The following SLC27A3 variants were observed in gnomAD, a reference collection of about 807,000 sequenced individuals.
The protein encoded by SLC27A3 is long-chain fatty acid transport protein 3.
Under a neutral mutation model 60.1 loss-of-function variants are expected in SLC27A3, and 60 were observed. That is an observed-to-expected ratio of 1.00 (90% CI 0.81 to 1.24). SLC27A3 has a LOEUF of 1.24. Ranked by LOEUF, SLC27A3 falls within the 50% of genes most tolerant of loss-of-function variation. The pLI is 0.00. For missense variants in SLC27A3, 1,079 were observed against 929.9 expected, an observed-to-expected ratio of 1.16 and a Z score of -2.09; for synonymous variants, 455 against 409.0, an observed-to-expected ratio of 1.11 and a Z score of -1.36.
At position 153,779,488 on chromosome 1, in the gene SLC27A3, C is replaced by G; in HGVS notation, c.1875+15C>G. The G allele has an allele frequency of 6.2e-7, 1 of 1,607,644 alleles. No individual in the cohort carries two copies. The highest frequency in any genetic ancestry group is 8.5e-7 in the Non-Finnish European group (1 of 1,178,080). Reference sequence around the variant, plus strand: ...TCAGGCTCCAGGTAACCGGCCACTTCCCCCGCCGGCCCCTCACCCCATATA... The same window carrying G: ...TCAGGCTCCAGGTAACCGGCCACTTGCCCCGCCGGCCCCTCACCCCATATA... On this transcript the variant is annotated intron_variant, in intron 9 of 9. Coordinates refer to ENST00000624995, the MANE Select transcript of SLC27A3 (RefSeq NM_024330.4).
chr1:153,777,267 T>C (rs762088266), intron 3 of SLC27A3, 47 bp downstream of exon 3: 6 of 1,605,322 alleles, frequency 3.7e-6, no homozygotes, highest in South Asian at 2.2e-5. Flanking sequence ...AGTAGACATT[T>C]ATTAAGCACG....
At chr1:153,779,525 C>T (rs760533127) in intron 9 of SLC27A3, 52 bp downstream of exon 9, 27 of 1,580,186 alleles carry the variant, frequency 1.7e-5, no homozygotes, top group Non-Finnish European at 2.1e-5. Flanking sequence ...CCTCACCCCA[C>T]ATATCCACCC....
rs762946133 is a variant in SLC27A3 at position 153,775,639 on chromosome 1, G to A, written c.142G>A (p.Ala48Thr). The A allele has an allele frequency of 4.5e-6, 7 of 1,541,794 alleles. No homozygotes were observed. Among genetic ancestry groups the A allele is most frequent in the Non-Finnish European group, 6.1e-6 (7 of 1,145,208 alleles). Residue 48 changes from alanine to threonine, a missense_variant, in exon 1 of 10, where the codon GCT becomes ACT. Coordinates refer to ENST00000624995, the MANE Select transcript of SLC27A3 (RefSeq NM_024330.4). ...TCTGTGCTGCAAAAGGGCTCTTCGA[G>A]CTCGCGCCCTGGCCGCGGCTGCCGC... Reference protein sequence around the residue: ...RALCCKRALRARALAAAAADP... With the variant: ...RALCCKRALRTRALAAAAADP...
intron 3 of SLC27A3, 174 bp from the exon 4 acceptor site, chr1:153,777,587 G>A (rs1215472785): frequency 1.2e-5 from 10 of 817,198 alleles, no homozygotes; most frequent in Non-Finnish European, 2.0e-5. Context: ...GCTGGGGACA[G>A]GGGCCGGGGG....
At position 153,780,098 on chromosome 1, in the gene SLC27A3, C is replaced by T; in HGVS notation, c.*96C>T. The stretch of plus-strand genomic sequence containing the variant: ...GTCAGGGATCTTTTCTATACCAGAA[C>T]TGCGGTCACTATTTTGTAATAAATG... On this transcript the variant is annotated 3_prime_UTR_variant, in exon 10 of 10. Coordinates refer to ENST00000624995, the MANE Select transcript of SLC27A3 (RefSeq NM_024330.4). 4.6e-6 allele frequency: 5 copies of T among 1,077,302 alleles called. No homozygotes were observed. Among genetic ancestry groups the T allele is most frequent in the East Asian group, 5.2e-5 (2 of 38,376 alleles). 66.7% of individuals were successfully genotyped at this position (1,077,302 alleles called of 1,614,324 possible).
At position 153,775,484 on chromosome 1, in the gene SLC27A3, AG is replaced by A. The variant is rs764425950; in HGVS notation, c.-12del. 6.2e-7 allele frequency: 1 copy of A among 1,613,306 alleles called. No individual in the cohort carries two copies. Among genetic ancestry groups the A allele is most frequent in the Non-Finnish European group, 8.5e-7 (1 of 1,180,024 alleles). On this transcript the variant is annotated 5_prime_UTR_variant, in exon 1 of 10. Transcript: ENST00000624995. ...GGCTGGAACCAGACGGTGCCGATAG[AG>A]GAAGCGGGCTCCATGGCTGCCCTCC... is the stretch of plus-strand genomic sequence containing the variant.
rs77673307 is a variant in SLC27A3 at position 153,777,863 on chromosome 1, G to A, written c.1139G>A (p.Arg380Gln). 693 of 1,614,222 alleles carry A rather than the reference G, an allele frequency of 4.3e-4. 7 individuals carry two copies. The East Asian group carries it at 0.015, about 34-fold the overall frequency. The change falls in exon 4 of 10, where the codon CGA (arginine) becomes CAA (glutamine). Residue 380 changes from arginine to glutamine, a missense_variant. Physicochemically the swap from Arg to Gln is conservative, Grantham distance 43. Coordinates refer to ENST00000624995, the MANE Select transcript of SLC27A3 (RefSeq NM_024330.4). The stretch of plus-strand genomic sequence containing the variant: ...TTCCAGTACATTGGGGAGCTGTGCC[G>A]ATACCTTGTCAACCAGCCCCCGGTG... Reference protein sequence around the residue: ...TVFQYIGELCRYLVNQPPSKA... With the variant: ...TVFQYIGELCQYLVNQPPSKA...
chr1:153,776,942 G>A, intron 2 of SLC27A3, 120 bp from the exon 3 acceptor site: 1 of 1,179,474 alleles, frequency 8.5e-7, no homozygotes. Context: ...CCTGGTCTCG[G>A]TCCTCAGCTT....
At position 153,778,213 on chromosome 1, in the gene SLC27A3, G is replaced by C. The variant is rs142650546; in HGVS notation, c.1214G>C (p.Arg405Pro). ...KVRLAVGSGL[R>P]PDTWERFVRR... Reference sequence around the variant, plus strand: ...CGGCTGGCAGTGGGCAGCGGGCTGCGCCCAGATACCTGGGAGCGTTTTGTG... The same window carrying C: ...CGGCTGGCAGTGGGCAGCGGGCTGCCCCCAGATACCTGGGAGCGTTTTGTG... The change falls in exon 5 of 10, where the codon CGC (arginine) becomes CCC (proline). Residue 405 changes from arginine (R) to proline (P), a missense_variant. By Grantham distance (103) the Arg-to-Pro change is moderately radical. Coordinates refer to ENST00000624995, the MANE Select transcript of SLC27A3 (RefSeq NM_024330.4). The C allele has an allele frequency of 1.5e-5, 25 of 1,613,310 alleles. No homozygotes were observed. In the African/African-American group the frequency reaches 3.3e-4, roughly 21 times the overall value.
In SLC27A3 at chr1:153,779,440, A is replaced by C. The variant is rs1558023899; in HGVS notation, c.1842A>C (p.Pro614=). ...ACACCCACGTGTCTGAGAACTTGCC[A>C]CCTTATGCCCGGCCCCGATTCCTCA... is the stretch of plus-strand genomic sequence containing the variant. The part of the protein sequence containing the change: ...QLYTHVSENL[P]PYARPRFLRL... Residue 614 remains proline, a synonymous_variant, in exon 9 of 10, where the codon CCA becomes CCC. Transcript: ENST00000624995. 6.2e-7 allele frequency: 1 copy of C among 1,613,462 alleles called. No homozygotes were observed. The highest frequency in any genetic ancestry group is 1.1e-5 in the South Asian group (1 of 91,050).
At chr1:153,776,228 CACAGA>C in intron 1 of SLC27A3, 64 bp downstream of exon 1, 1 of 1,405,580 alleles carries the variant, frequency 7.1e-7, no homozygotes, top group Non-Finnish European at 9.2e-7. Flanking sequence ...TGTCGGAGAC[CACAGA>C]AAGGCTTGGT....
chr1:153,778,962 A>G, intron 7 of SLC27A3, 77 bp downstream of exon 7: 1 of 1,506,000 alleles, frequency 6.6e-7, no homozygotes. Flanking sequence ...CAACTCTCTA[A>G]TCTGCCACCT....
rs745739373 is a variant in SLC27A3 at position 153,776,713 on chromosome 1, C to T, written c.863C>T (p.Thr288Ile). ...ACAGACACGTGCCTGTACATCTTCA[C>T]CTCTGGCACCACGGGTGAGGGCCGG... ...SITDTCLYIF[T>I]SGTTGLPKAA... is the part of the protein sequence containing the mutation. The change falls in exon 2 of 10, where the codon ACC (threonine) becomes ATC (isoleucine). Residue 288 changes from threonine (T) to isoleucine (I), a missense_variant. Transcript: ENST00000624995. 1.4e-5 allele frequency: 23 copies of T among 1,613,990 alleles called. No individual in the cohort carries two copies. The highest frequency in any genetic ancestry group is 6.7e-5 in the Admixed American group (4 of 60,004).
At position 153,777,121 on chromosome 1, in the gene SLC27A3, C is replaced by G. The variant is rs1673272106; in HGVS notation, c.937C>G (p.Gln313Glu). ...LKILQCQGFYQLCGVHQEDVI... is the reference protein window; with the variant it reads ...LKILQCQGFYELCGVHQEDVI... ...GATCCTGCAATGCCAGGGCTTCTAT[C>G]AGCTGTGTGGTGTCCACCAGGAAGA... The change falls in exon 3 of 10, where the codon CAG becomes GAG. Residue 313 changes from glutamine to glutamate, a missense_variant. Transcript: ENST00000624995. 6.2e-7 allele frequency: 1 copy of G among 1,614,242 alleles called. No homozygotes were observed. Among genetic ancestry groups the G allele is most frequent in the Non-Finnish European group, 8.5e-7 (1 of 1,180,042 alleles).
At chr1:153,778,137 C>T (rs766139360) in intron 4 of SLC27A3, 24 bp from the exon 5 acceptor site, 12 of 1,586,036 alleles carry the variant, frequency 7.6e-6, no homozygotes, top group East Asian at 4.5e-5. Flanking sequence ...GCTGAAGCTC[C>T]GGCCCCTCTC....
rs1290510824 is a variant in SLC27A3, at chr1:153,779,911, C to A, written c.1961C>A (p.Pro654Gln). 5 of 1,614,160 alleles carry A rather than the reference C, an allele frequency of 3.1e-6. No homozygotes were observed. Among genetic ancestry groups the A allele is most frequent in the Non-Finnish European group, 3.4e-6 (4 of 1,180,034 alleles). ...EGFDPSTLSD[P>Q]LYVLDQAVGA... is the part of the protein sequence containing the mutation. ...TTCGACCCCAGCACCCTGTCTGACC[C>A]ACTGTACGTTCTGGACCAGGCTGTA... The change falls in exon 10 of 10, where the codon CCA becomes CAA. Residue 654 changes from proline to glutamine, a missense_variant. Transcript: ENST00000624995.
intron 9 of SLC27A3, 26 bp downstream of exon 9, chr1:153,779,499 C>T (rs748245535): frequency 6.2e-7 from 1 of 1,605,752 alleles, no homozygotes; most frequent in Non-Finnish European, 8.5e-7. Context: ...CCCCGCCGGC[C>T]CCTCACCCCA....
Position 153,779,792 on chromosome 1 carries a change from C to T in SLC27A3, c.1876-34C>T, listed in dbSNP as rs1417743642. On this transcript the variant is annotated intron_variant, in intron 9 of 9. Coordinates refer to ENST00000624995, the MANE Select transcript of SLC27A3 (RefSeq NM_024330.4). ...CCCTGAACCACGTGGGCAGAGTCCC[C>T]TTCCCTCCAAATCCCTGACCCTCCT... 3.1e-6 allele frequency: 5 copies of T among 1,600,838 alleles called. No homozygotes were observed. In the South Asian group the frequency reaches 4.4e-5, roughly 14 times the overall value.
Position 153,778,728 on chromosome 1 carries a change from C to G in SLC27A3, c.1489C>G (p.Pro497Ala). Residue 497 changes from proline (P) to alanine (A), a missense_variant, in exon 7 of 10, where the codon CCA (proline) becomes GCA (alanine). Physicochemically the swap from Pro to Ala is conservative, Grantham distance 27 (BLOSUM62 -1). Transcript: ENST00000624995. ...LLVAPVSQQS[P>A]FLGYAGGPEL... ...GGTGGCCCCGGTAAGCCAGCAGTCC[C>G]CATTCCTGGGCTATGCTGGCGGGCC... 6.2e-7 allele frequency: 1 copy of G among 1,613,640 alleles called. No individual in the cohort carries two copies.
Sources: gnomAD v4.1 joint callset for allele counts on GRCh38, gnomAD v4.1.1 for gene constraint, MANE v1.5 for transcripts, NCBI Gene and HGNC (gene_info 2026-07-23, HGNC 2026-07-21) for gene names.